Variants in REV3L observed in about 807,000 individuals in gnomAD.
The protein encoded by REV3L is DNA polymerase zeta catalytic subunit.
REV3L carries 69 observed loss-of-function variants against 299.4 expected under a neutral mutation model. The ratio of observed to expected loss-of-function variants is 0.23; its 90% CI spans 0.19 to 0.28. REV3L has a LOEUF of 0.28. Ranked by LOEUF, REV3L falls within the 10% of genes least tolerant of loss-of-function variation. The probability of loss-of-function intolerance (pLI) is 1.00; values close to 1 mark genes in which losing one functional copy is unlikely to be tolerated. For missense variants in REV3L, 3,128 were observed against 3,693.8 expected (o/e 0.85, Z 3.97); for synonymous variants, 1,238 against 1,271.4 (o/e 0.97, Z 0.56).
At chr6:111,385,199 G>A (rs1285536091) in intron 9 of REV3L, among the ~76,000 whole-genome samples, 1 of 151,990 alleles carries the variant, frequency 6.6e-6, no homozygotes, top group Non-Finnish European at 1.5e-5. Flanking sequence ...GCACAACACA[G>A]TGACTACAGT....
At chr6:111,400,879 A>C (rs1359466184) in intron 4 of REV3L, among the ~76,000 whole-genome samples, 2 of 152,162 alleles carry the variant, frequency 1.3e-5, no homozygotes, top group East Asian at 3.9e-4. Flanking sequence ...ATTATTATTT[A>C]AGGTGTGAAG....
chr6:111,329,214 TTG>T (rs1431408309), intron 25 of REV3L, among the ~76,000 whole-genome samples: 1 of 151,942 alleles, frequency 6.6e-6, no homozygotes, highest in East Asian at 1.9e-4. Flanking sequence ...TAGCTTATTT[TTG>T]TGTTTTTAGT....
chr6:111,333,864 T>C (rs967465023), intron 22 of REV3L, among the ~76,000 whole-genome samples: 1 of 152,246 alleles, frequency 6.6e-6, no homozygotes, highest in African/African-American at 2.4e-5. Context: ...ATAAAAACTA[T>C]AAAACATGTC....
chr6:111,442,095 T>C (rs1414621629), intron 1 of REV3L, among the ~76,000 whole-genome samples: 1 of 152,240 alleles, frequency 6.6e-6, no homozygotes, highest in East Asian at 1.9e-4. Flanking sequence ...AAATGTTACA[T>C]GTGACCTTGT....
At chr6:111,448,718 T>A (rs1355814256) in intron 1 of REV3L, among the ~76,000 whole-genome samples, 1 of 151,560 alleles carries the variant, frequency 6.6e-6, no homozygotes, top group South Asian at 2.1e-4. Flanking sequence ...CCTCCCAGGA[T>A]TAAATGATCC....
At chr6:111,318,151 G>A (rs1208941694) in intron 26 of REV3L, among the ~76,000 whole-genome samples, 2 of 151,558 alleles carry the variant, frequency 1.3e-5, no homozygotes, top group East Asian at 2.0e-4. Flanking sequence ...GCAGTGGCGC[G>A]ATCTCGGCTC....
intron 21 of REV3L, among the ~76,000 whole-genome samples, chr6:111,339,986 CATACTT>C (rs911047738): frequency 3.9e-5 from 6 of 152,092 alleles, no homozygotes; most frequent in African/African-American, 4.8e-5. Flanking sequence ...GGAAGGGAAA[CATACTT>C]ATAAAGCACA....
At chr6:111,399,370 A>C (rs1420810529) in intron 4 of REV3L, among the ~76,000 whole-genome samples, 1 of 152,104 alleles carries the variant, frequency 6.6e-6, no homozygotes, top group Non-Finnish European at 1.5e-5. Context: ...GGTTTCCCTC[A>C]TTGTTATCAT....
chr6:111,430,175 T>G lies in REV3L; in HGVS notation c.140-13703A>C, dbSNP rs557092920. On this transcript the variant is annotated intron_variant, in intron 1 of 31. Transcript: ENST00000368802. ...CCCCTGTGGGATTAGACTTGCCCGG[T>G]GAGAAGCCTCTCACAAGCACTTTAG... The G allele has an allele frequency of 9.1e-5, 72 of 793,998 alleles. No homozygotes were observed. The Middle Eastern group carries it at 1.4e-3, about 16-fold the overall frequency. 49.2% of individuals were successfully genotyped at this position (793,998 alleles called of 1,614,324 possible). A position where few individuals can be genotyped will look rare whatever the true frequency, so the allele number is the denominator to read the frequency against.
rs538200145 is a variant in REV3L at position 111,331,421 on chromosome 6, A to G, written c.8034+255T>C. Among the ~76,000 whole-genome samples, 37 of 152,324 alleles carry G rather than the reference A, an allele frequency of 2.4e-4. No homozygotes were observed. The South Asian group carries it at 7.2e-3, about 30-fold the overall frequency. On this transcript the variant is annotated intron_variant, in intron 24 of 31. Coordinates refer to ENST00000368802, the MANE Select transcript of REV3L (RefSeq NM_001372078.1). ...GGGCAGAAAGTATAAGCATACGTTT[A>G]TTTCTTTCAATATTTCGTTAACTAA...
Position 111,367,335 on chromosome 6 carries a change from C to T in REV3L, c.6453G>A (p.Glu2151=). The part of the protein sequence containing the change: ...GDDRPSSPVE[E]LPSLAFENFL... ...AGTTCTCAAAAGCCAATGAAGGCAG[C>T]TCCTCTACTGGTGATGAGGGTCTAT... The change falls in exon 14 of 32, where the codon GAG becomes GAA. Residue 2151 remains glutamate (E), a synonymous_variant. Transcript: ENST00000368802. 1 of 1,607,370 alleles carries T rather than the reference C, an allele frequency of 6.2e-7. No homozygotes were observed.
At chr6:111,452,703 A>G (rs920602522) in intron 1 of REV3L, among the ~76,000 whole-genome samples, 7 of 152,194 alleles carry the variant, frequency 4.6e-5, no homozygotes, top group Non-Finnish European at 7.4e-5. Flanking sequence ...GAAATATTTT[A>G]TATACCATGA....
intron 1 of REV3L, among the ~76,000 whole-genome samples, chr6:111,438,361 T>C (rs1218323116): frequency 2.0e-5 from 3 of 152,060 alleles, no homozygotes; most frequent in Non-Finnish European, 4.4e-5. Flanking sequence ...CTTACATATC[T>C]TTATTTTTAT....
chr6:111,365,650 A>G (rs1267706391), intron 14 of REV3L, among the ~76,000 whole-genome samples: 2 of 152,172 alleles, frequency 1.3e-5, no homozygotes. Flanking sequence ...GAGGAAGAAA[A>G]GACATAATCT....
At chr6:111,348,107 G>GT (rs1320846120) in intron 20 of REV3L, among the ~76,000 whole-genome samples, 14 of 151,828 alleles carry the variant, frequency 9.2e-5, no homozygotes, top group Admixed American at 9.2e-4. Context: ...CAACCTAATT[G>GT]TTTTTTATTT....
At position 111,407,531 on chromosome 6, in the gene REV3L, G is replaced by A. The variant is rs141468341; in HGVS notation, c.405-1901C>T. Among the ~76,000 whole-genome samples, 24 of 152,314 alleles carry A rather than the reference G, an allele frequency of 1.6e-4. No individual in the cohort carries two copies. In the East Asian group the frequency reaches 4.2e-3, roughly 27 times the overall value. Reference sequence around the variant, plus strand: ...TTTAAGGCACCATAAGCATCACCATGAGGTCAAAAAGTAAGGACCTAAAAT... The same window carrying A: ...TTTAAGGCACCATAAGCATCACCATAAGGTCAAAAAGTAAGGACCTAAAAT... On this transcript the variant is annotated intron_variant, in intron 3 of 31. Transcript: ENST00000368802.
intron 15 of REV3L, among the ~76,000 whole-genome samples, chr6:111,364,820 A>G (rs1297315057): frequency 6.6e-6 from 1 of 152,008 alleles, no homozygotes; most frequent in Non-Finnish European, 1.5e-5. Context: ...TCAGTAGTAA[A>G]TAATGTTGCT....
At chr6:111,430,519 T>C in intron 1 of REV3L, 2 of 1,565,738 alleles carry the variant, frequency 1.3e-6, no homozygotes, top group South Asian at 2.2e-5. Flanking sequence ...ATGAAAATTC[T>C]TAGACATGAA....
intron 1 of REV3L, among the ~76,000 whole-genome samples, chr6:111,447,548 T>C (rs942855500): frequency 6.6e-6 from 1 of 152,184 alleles, no homozygotes; most frequent in Non-Finnish European, 1.5e-5. Flanking sequence ...TTAAAAAAAT[T>C]CACTTTACGT....
Sources: gnomAD v4.1 joint callset for allele counts (sites outside exome capture counted in the v4.1 genomes callset) on GRCh38, gnomAD v4.1.1 for gene constraint, MANE v1.5 for transcripts, NCBI Gene and HGNC (gene_info 2026-07-23, HGNC 2026-07-21) for gene names.